The following ATP10B variants were observed in gnomAD, a reference collection of about 807,000 sequenced individuals.
ATP10B encodes phospholipid-transporting ATPase VB.
ATP10B carries 122 observed loss-of-function variants against 141.2 expected under a neutral mutation model. The ratio of observed to expected loss-of-function variants is 0.86; its 90% confidence interval spans 0.75 to 1.00. The LOEUF (loss-of-function observed/expected upper bound fraction) is 1.00. Ranked by LOEUF, ATP10B falls within the 50% of genes least tolerant of loss-of-function variation. The pLI is 0.00. For synonymous variants in ATP10B, 685 were observed against 692.0 expected (o/e 0.99, Z 0.16); for missense variants, 1,876 against 1,825.3 (o/e 1.03, Z -0.51).
At chr5:160,912,722 AAGAG>A in the ATP10B span, among the ~76,000 whole-genome samples, 184 of 152,090 alleles carry the variant, frequency 1.2e-3, 1 homozygote, top group African/African-American at 4.0e-3. Context: ...GAAGAAAGAA[AAGAG>A]AGAGAGAGAA....
At chr5:160,728,056 T>C (rs778014770) in intron 2 of ATP10B, among the ~76,000 whole-genome samples, 1 of 152,146 alleles carries the variant, frequency 6.6e-6, no homozygotes, top group Admixed American at 6.5e-5. Context: ...ATCAGTCAGC[T>C]CTCTACCTAC....
chr5:160,662,344 C>A (rs1761995036), intron 7 of ATP10B, among the ~76,000 whole-genome samples: 1 of 152,180 alleles, frequency 6.6e-6, no homozygotes, highest in South Asian at 2.1e-4. Flanking sequence ...CCAAGTCAAT[C>A]CTAAGCCAAA....
intron 1 of ATP10B, among the ~76,000 whole-genome samples, chr5:160,828,009 G>T (rs541632131): frequency 6.6e-6 from 1 of 152,254 alleles, no homozygotes; most frequent in African/African-American, 2.4e-5. Context: ...CTAGCCATAT[G>T]TAGAAAGCTG....
chr5:160,803,195 T>A (rs192346562), intron 1 of ATP10B, among the ~76,000 whole-genome samples: 43 of 152,326 alleles, frequency 2.8e-4, no homozygotes. Context: ...AAGGAGGATG[T>A]TGTCATCAAC....
chr5:160,632,413 G>A, intron 12 of ATP10B, 46 bp from the exon 13 acceptor site: 10 of 1,572,480 alleles, frequency 6.4e-6, no homozygotes, highest in Non-Finnish European at 8.7e-6. Context: ...ACCTCGGCTG[G>A]ACCATGTTGG....
the ATP10B span, among the ~76,000 whole-genome samples, chr5:160,920,431 A>G: frequency 6.6e-6 from 1 of 152,212 alleles, no homozygotes; most frequent in Non-Finnish European, 1.5e-5. Context: ...GAATCTCAAT[A>G]TTGCATGTTC....
intron 1 of ATP10B, among the ~76,000 whole-genome samples, chr5:160,831,467 G>T (rs1250768735): frequency 1.3e-5 from 2 of 152,084 alleles, no homozygotes; most frequent in Non-Finnish European, 2.9e-5. Context: ...TACTTCATTT[G>T]TGGGAAAATA....
the ATP10B span, among the ~76,000 whole-genome samples, chr5:160,877,938 G>A: frequency 6.3e-3 from 958 of 151,234 alleles, 11 homozygotes; most frequent in African/African-American, 0.022. Flanking sequence ...AATCAATATC[G>A]TGAAAATGGC....
intron 7 of ATP10B, among the ~76,000 whole-genome samples, chr5:160,656,411 G>A (rs1761493558): frequency 6.6e-6 from 1 of 152,164 alleles, no homozygotes; most frequent in Admixed American, 6.6e-5. Context: ...AGTAATTCCT[G>A]CTACCAAGCT....
At chr5:160,717,418 C>G (rs1233092697) in intron 2 of ATP10B, among the ~76,000 whole-genome samples, 6 of 152,174 alleles carry the variant, frequency 3.9e-5, no homozygotes, top group Non-Finnish European at 8.8e-5. Flanking sequence ...TTCTCTTTTT[C>G]TGTCTCAATT....
chr5:160,795,065 CACTG>C (rs926384078), intron 1 of ATP10B, among the ~76,000 whole-genome samples: 5 of 152,192 alleles, frequency 3.3e-5, no homozygotes, highest in African/African-American at 1.2e-4. Context: ...AAATGCTTCT[CACTG>C]ACTGTAAGGT....
intron 2 of ATP10B, among the ~76,000 whole-genome samples, chr5:160,784,931 T>C (rs759248694): frequency 1.3e-5 from 2 of 152,136 alleles, no homozygotes; most frequent in Non-Finnish European, 2.9e-5. Flanking sequence ...CACACAACCA[T>C]GTAGTTCAGG....
intron 1 of ATP10B, among the ~76,000 whole-genome samples, chr5:160,794,737 T>C (rs1038755774): frequency 2.6e-5 from 4 of 152,230 alleles, no homozygotes; most frequent in South Asian, 4.1e-4. Context: ...TTCTCCAGCC[T>C]CTTTGCCCAA....
intron 7 of ATP10B, among the ~76,000 whole-genome samples, chr5:160,659,025 A>G (rs556376306): frequency 6.6e-6 from 1 of 152,198 alleles, no homozygotes; most frequent in Non-Finnish European, 1.5e-5. Context: ...TTAAATACCT[A>G]CAATTGGTTA....
In ATP10B at chr5:160,586,500, G is replaced by A. The variant is rs572663556; in HGVS notation, c.3750+3092C>T. On this transcript the variant is annotated intron_variant, in intron 24 of 25. Coordinates refer to ENST00000327245, the MANE Select transcript of ATP10B (RefSeq NM_025153.3). Reference sequence around the variant, plus strand: ...TGCTTTGGGTACATCCCCAGTAATGGGATTGCTGGGTCAAATGGTATTTCT... The same window carrying A: ...TGCTTTGGGTACATCCCCAGTAATGAGATTGCTGGGTCAAATGGTATTTCT... Among the ~76,000 whole-genome samples the A allele has an allele frequency of 5.9e-5, 9 of 152,288 alleles. No homozygotes were observed. In the South Asian group the frequency reaches 1.9e-3, roughly 32 times the overall value.
intron 10 of ATP10B, among the ~76,000 whole-genome samples, chr5:160,637,200 C>A (rs186525952): frequency 8.8e-4 from 133 of 151,486 alleles, no homozygotes; most frequent in African/African-American, 3.2e-3. Context: ...ATCCATTCAT[C>A]TATCTATTCA....
At chr5:160,716,593 C>T (rs1009252330) in intron 3 of ATP10B, among the ~76,000 whole-genome samples, 16 of 152,034 alleles carry the variant, frequency 1.1e-4, no homozygotes, top group African/African-American at 2.9e-4. Context: ...ACTGGGAAGA[C>T]GATACATATG....
chr5:160,775,958 G>A (rs897878787), intron 2 of ATP10B, among the ~76,000 whole-genome samples: 3 of 152,156 alleles, frequency 2.0e-5, no homozygotes, highest in Admixed American at 6.6e-5. Flanking sequence ...TTTTTAACCA[G>A]TAAAAAGGAG....
At chr5:160,722,832 C>T (rs905322106) in intron 2 of ATP10B, among the ~76,000 whole-genome samples, 1 of 152,138 alleles carries the variant, frequency 6.6e-6, no homozygotes, top group Non-Finnish European at 1.5e-5. Context: ...AAAGCCAGCC[C>T]AGAGATGAGC....
Sources: allele counts gnomAD v4.1 joint callset (sites outside exome capture counted in the v4.1 genomes callset), GRCh38; gene constraint gnomAD v4.1.1; transcripts MANE v1.5; gene names NCBI Gene and HGNC (gene_info 2026-07-23, HGNC 2026-07-21).